CAND1: variants seen among roughly 807,000 people sequenced by gnomAD.
CAND1 encodes the protein cullin associated and neddylation dissociated 1.
CAND1 carries 7 observed loss-of-function variants against 108.5 expected under a neutral mutation model. The ratio of observed to expected loss-of-function variants is 0.06; its 90% CI spans 0.04 to 0.12. The LOEUF is 0.12. Ranked by LOEUF, CAND1 falls within the 10% of genes least tolerant of loss-of-function variation. The pLI is 1.00. For missense variants in CAND1, 941 were observed against 1,448.7 expected (o/e 0.65, Z 5.69); for synonymous variants, 534 against 512.0 (o/e 1.04, Z -0.58).
intron 11 of CAND1, among the ~76,000 whole-genome samples, chr12:67,307,954 T>C (rs2044906017): frequency 6.6e-6 from 1 of 151,692 alleles, no homozygotes; most frequent in Non-Finnish European, 1.5e-5. Context: ...GAATAAAAAA[T>C]AAAGGGGGGG....
At chr12:67,283,970 A>T (rs1044318945) in intron 2 of CAND1, among the ~76,000 whole-genome samples, 3 of 152,216 alleles carry the variant, frequency 2.0e-5, no homozygotes, top group African/African-American at 7.2e-5. Context: ...AAATAATCTA[A>T]GAGCTGGGTC....
chr12:67,294,901 GTTT>G (rs1405278639), intron 3 of CAND1, 129 bp from the exon 4 acceptor site: 15 of 852,494 alleles, frequency 1.8e-5, no homozygotes, highest in Non-Finnish European at 2.4e-5. Context: ...TGAAAGATGT[GTTT>G]TTCTGCCCTG....
At chr12:67,291,126 A>T (rs918237956) in intron 2 of CAND1, among the ~76,000 whole-genome samples, 4 of 152,130 alleles carry the variant, frequency 2.6e-5, no homozygotes, top group Non-Finnish European at 5.9e-5. Flanking sequence ...TACCTACTAA[A>T]ATCTATGGGA....
intron 3 of CAND1, 132 bp from the exon 4 acceptor site, chr12:67,294,901 G>A (rs2044754708): frequency 1.2e-6 from 1 of 852,610 alleles, no homozygotes; most frequent in Admixed American, 3.0e-5. Context: ...TGAAAGATGT[G>A]TTTTTCTGCC....
chr12:67,310,503 A>G, intron 13 of CAND1, 187 bp downstream of exon 13: 1 of 430,728 alleles, frequency 2.3e-6, no homozygotes, highest in Non-Finnish European at 4.2e-6. Flanking sequence ...TGTAAGAAAG[A>G]TCCAGAGCCC....
intron 1 of CAND1, among the ~76,000 whole-genome samples, chr12:67,274,186 A>G (rs1255169907): frequency 6.6e-6 from 1 of 152,084 alleles, no homozygotes; most frequent in African/African-American, 2.4e-5. Flanking sequence ...TGCTTTTAAT[A>G]ATTCCTGAGG....
intron 2 of CAND1, among the ~76,000 whole-genome samples, chr12:67,286,044 G>C (rs7296364): frequency 0.19 from 28,756 of 152,000 alleles, 5,646 homozygotes; most frequent in African/African-American, 0.5. Context: ...TTCTCGCTCA[G>C]TCGCCCTGGC....
Position 67,281,943 on chromosome 12 carries a change from G to A in CAND1, c.102G>A (p.Leu34=), listed in dbSNP as rs767297049. 5 of 1,610,494 alleles carry A rather than the reference G, an allele frequency of 3.1e-6. No homozygotes were observed. The highest frequency in any genetic ancestry group is 2.2e-5 in the East Asian group (1 of 44,740). The part of the protein sequence containing the change: ...FMATNDLMTE[L]QKDSIKLDDD... ...CTACAAATGATTTGATGACGGAACT[G>A]CAGAAAGATTCCATCAAGTTGGATG... Residue 34 remains leucine (L), a synonymous_variant, in exon 2 of 15, where the codon CTG becomes CTA. Coordinates refer to ENST00000545606, the MANE Select transcript of CAND1 (RefSeq NM_018448.5).
At position 67,316,076 on chromosome 12, in the gene CAND1, A is replaced by G. The variant is rs1592630341; in HGVS notation, c.*3246A>G. On this transcript the variant is annotated 3_prime_UTR_variant, in exon 15 of 15. Coordinates refer to ENST00000545606, the MANE Select transcript of CAND1 (RefSeq NM_018448.5). ...TGAAATTAAAGACCTTAAACATTTCAGCAAGTAAATTTTGGATTCTAGCTC... is the reference window on the plus strand; with the variant it reads ...TGAAATTAAAGACCTTAAACATTTCGGCAAGTAAATTTTGGATTCTAGCTC... 6.6e-6 allele frequency: 1 copy of G among 152,244 alleles called. No individual in the cohort carries two copies. Among genetic ancestry groups the G allele is most frequent in the East Asian group, 1.9e-4 (1 of 5,200 alleles). The allele number at this position is 152,244 out of a possible 1,614,324, so 9.4% of individuals were successfully genotyped here. A position where few individuals can be genotyped will look rare whatever the true frequency, so the allele number is the denominator to read the frequency against.
intron 9 of CAND1, 146 bp downstream of exon 9, chr12:67,304,892 T>C: frequency 9.7e-7 from 1 of 1,030,018 alleles, no homozygotes; most frequent in Non-Finnish European, 1.4e-6. Context: ...CTAACAATCT[T>C]GAATACCTGA....
chr12:67,313,399 T>C lies in CAND1; in HGVS notation c.*569T>C, dbSNP rs2044974257. The stretch of plus-strand genomic sequence containing the variant: ...CATTTTTAAGTATGAAAATTAACAA[T>C]ATCCCTGTTGCGCACACTAATTTTG... On this transcript the variant is annotated 3_prime_UTR_variant, in exon 15 of 15. Transcript: ENST00000545606. 6.6e-6 allele frequency: 1 copy of C among 152,618 alleles called. No individual in the cohort carries two copies. The highest frequency in any genetic ancestry group is 1.5e-5 in the Non-Finnish European group (1 of 68,022). The allele number at this position is 152,618 out of a possible 1,614,324, so 9.5% of individuals were successfully genotyped here. A position where few individuals can be genotyped will look rare whatever the true frequency, so the allele number is the denominator to read the frequency against.
chr12:67,272,456 G>A (rs186537729), intron 1 of CAND1, among the ~76,000 whole-genome samples: 54 of 152,256 alleles, frequency 3.5e-4, no homozygotes, highest in Admixed American at 1.3e-3. Context: ...TACAGAGAAG[G>A]TAAAGAAATG....
At position 67,307,512 on chromosome 12, in the gene CAND1, A is replaced by G. The variant is rs2044900433; in HGVS notation, c.3025+20A>G. The G allele has an allele frequency of 6.6e-7, 1 of 1,519,850 alleles. No homozygotes were observed. Among genetic ancestry groups the G allele is most frequent in the Non-Finnish European group, 9.1e-7 (1 of 1,099,234 alleles). 94.1% of individuals were successfully genotyped at this position (1,519,850 alleles called of 1,614,324 possible). ...GCATAGGTAAGTGGAAACAAAGATAAACATACTGATTTTTGGACTTTAGAA... is the reference window on the plus strand; with the variant it reads ...GCATAGGTAAGTGGAAACAAAGATAGACATACTGATTTTTGGACTTTAGAA... On this transcript the variant is annotated intron_variant, in intron 11 of 14. Coordinates refer to ENST00000545606, the MANE Select transcript of CAND1 (RefSeq NM_018448.5).
chr12:67,289,732 A>G (rs1210496514), intron 2 of CAND1, among the ~76,000 whole-genome samples: 2 of 151,882 alleles, frequency 1.3e-5, no homozygotes, highest in African/African-American at 4.8e-5. Context: ...TTCACTCCCA[A>G]TTTTTATTAT....
intron 2 of CAND1, among the ~76,000 whole-genome samples, chr12:67,290,025 C>T (rs1459368085): frequency 6.6e-6 from 1 of 151,890 alleles, no homozygotes; most frequent in Admixed American, 6.6e-5. Context: ...AGTCATTGAC[C>T]AGACATTAAG....
rs549660012 is a variant in CAND1 at position 67,311,587 on chromosome 12, T to C, written c.3361-106T>C. 6.1e-5 allele frequency: 21 copies of C among 344,210 alleles called. No homozygotes were observed. In the East Asian group the frequency reaches 1.3e-3, roughly 21 times the overall value. 21.3% of individuals were successfully genotyped at this position (344,210 alleles called of 1,614,324 possible). A position where few individuals can be genotyped will look rare whatever the true frequency, so the allele number is the denominator to read the frequency against. ...GGCAGATTACATTAAAAGGAAGGTTTACTTTGCATGCTAGTTATTTTCCTT... is the reference window on the plus strand; with the variant it reads ...GGCAGATTACATTAAAAGGAAGGTTCACTTTGCATGCTAGTTATTTTCCTT... On this transcript the variant is annotated intron_variant, in intron 13 of 14. Coordinates refer to ENST00000545606, the MANE Select transcript of CAND1 (RefSeq NM_018448.5).
In CAND1 at chr12:67,305,393, A is replaced by T; in HGVS notation, c.1725A>T (p.Arg575Ser). ...IKDLFTCTIK[R>S]LKAADIDQEV... ...ATCTATTTACCTGTACCATTAAGAG[A>T]TTAAAAGCAGCTGACATTGATCAGG... The change falls in exon 10 of 15, where the codon AGA becomes AGT. Residue 575 changes from arginine (R) to serine (S), a missense_variant. Physicochemically the swap from Arg to Ser is moderately radical, Grantham distance 110 (BLOSUM62 -1). Around this residue, in one of 9 missense-constraint regions of CAND1, gnomAD observed 697 missense variants for 942.0 expected, o/e 0.74. Coordinates refer to ENST00000545606, the MANE Select transcript of CAND1 (RefSeq NM_018448.5). This position sits in a 1 kb window ranked among gnomAD's most constrained non-coding sequence, Gnocchi z 4.4. The T allele has an allele frequency of 6.2e-7, 1 of 1,614,108 alleles. No homozygotes were observed.
At position 67,319,431 on chromosome 12, in the gene CAND1, G is replaced by A. The variant is rs995226197; in HGVS notation, c.*6601G>A. 1 of 152,180 alleles carries A rather than the reference G, an allele frequency of 6.6e-6. No individual in the cohort carries two copies. Among genetic ancestry groups the A allele is most frequent in the Non-Finnish European group, 1.5e-5 (1 of 68,050 alleles). 9.4% of individuals were successfully genotyped at this position (152,180 alleles called of 1,614,324 possible). On this transcript the variant is annotated 3_prime_UTR_variant, in exon 15 of 15. Transcript: ENST00000545606. ...TGGCTGCTTTTCATCTTGTAGGTTAGGTCAAGGACTCCAGGAAGTCTTCCC... is the reference window on the plus strand; with the variant it reads ...TGGCTGCTTTTCATCTTGTAGGTTAAGTCAAGGACTCCAGGAAGTCTTCCC...
chr12:67,301,395 G>A (rs1016938538), intron 7 of CAND1, among the ~76,000 whole-genome samples: 2 of 152,120 alleles, frequency 1.3e-5, no homozygotes, highest in Non-Finnish European at 2.9e-5. Flanking sequence ...GCTATGTATA[G>A]TCTTATCTAA....
Sources: gnomAD v4.1 joint callset for allele counts (sites outside exome capture counted in the v4.1 genomes callset) on GRCh38, gnomAD v4.1.1 for gene constraint, gnomAD v4.1.1 regional missense constraint, Gnocchi (gnomAD v3.1) non-coding constraint, MANE v1.5 for transcripts, NCBI Gene and HGNC (gene_info 2026-07-23, HGNC 2026-07-21) for gene names.